GRID2: variants seen among roughly 807,000 people sequenced by gnomAD.
GRID2 encodes the protein glutamate ionotropic receptor delta type subunit 2.
In GRID2, 33 loss-of-function variants were observed where a neutral mutation model predicts 114.8. That is an observed-to-expected ratio of 0.29 (90% CI 0.22 to 0.38). GRID2 has a LOEUF of 0.38. Among genes scored for constraint, GRID2 ranks in the 10% least tolerant of loss-of-function variants. GRID2 has a pLI of 1.00. For synonymous variants in GRID2, 505 were observed against 449.9 expected (o/e 1.12, Z -1.55); for missense variants, 1,184 against 1,257.7 (o/e 0.94, Z 0.89).
intron 4 of GRID2, among the ~76,000 whole-genome samples, chr4:93,125,118 G>C (rs1384776857): frequency 6.6e-6 from 1 of 151,990 alleles, no homozygotes; most frequent in Non-Finnish European, 1.5e-5. Context: ...ATATCAGTAT[G>C]TTGCTGGATA....
At chr4:93,529,612 G>A (rs879425295) in intron 13 of GRID2, among the ~76,000 whole-genome samples, 1 of 152,082 alleles carries the variant, frequency 6.6e-6, no homozygotes, top group African/African-American at 2.4e-5. Flanking sequence ...GGAACCCAGG[G>A]CTTCGGGTGC....
intron 2 of GRID2, among the ~76,000 whole-genome samples, chr4:93,068,305 G>A (rs1452290072): frequency 3.9e-5 from 6 of 151,996 alleles, no homozygotes; most frequent in Non-Finnish European, 5.9e-5. Flanking sequence ...GAGTACAATG[G>A]TCACTGTGTA....
chr4:93,189,332 T>C (rs144787184), intron 4 of GRID2, among the ~76,000 whole-genome samples: 8 of 152,262 alleles, frequency 5.3e-5, no homozygotes, highest in South Asian at 4.1e-4. Flanking sequence ...CTACTTTAAA[T>C]TGGTGCCTTC....
intron 1 of GRID2, among the ~76,000 whole-genome samples, chr4:92,503,741 G>T (rs1723808467): frequency 6.6e-6 from 1 of 152,018 alleles, no homozygotes; most frequent in East Asian, 1.9e-4. Flanking sequence ...ACAACTTAAT[G>T]CCAGGAATTA....
intron 13 of GRID2, among the ~76,000 whole-genome samples, chr4:93,594,699 C>G (rs1423113706): frequency 1.3e-5 from 2 of 152,196 alleles, no homozygotes; most frequent in Admixed American, 6.5e-5. Context: ...TGCTAGCAAT[C>G]AATGAGACTC....
intron 2 of GRID2, among the ~76,000 whole-genome samples, chr4:93,056,347 C>G (rs1215734422): frequency 6.6e-6 from 1 of 151,810 alleles, no homozygotes; most frequent in African/African-American, 2.4e-5. Context: ...ACTGATCATT[C>G]ACTTGATTAT....
chr4:93,332,663 A>G (rs1189516889), intron 8 of GRID2, among the ~76,000 whole-genome samples: 2 of 152,128 alleles, frequency 1.3e-5, no homozygotes, highest in African/African-American at 2.4e-5. Flanking sequence ...GTTTTAAGAC[A>G]TGCCAGGAGA....
At chr4:92,730,964 C>A (rs1736302415) in intron 2 of GRID2, among the ~76,000 whole-genome samples, 1 of 151,812 alleles carries the variant, frequency 6.6e-6, no homozygotes, top group African/African-American at 2.4e-5. Flanking sequence ...TCATTGAATG[C>A]AGTGAAAATT....
chr4:93,649,314 G>C (rs1722381458), intron 14 of GRID2, among the ~76,000 whole-genome samples: 2 of 152,022 alleles, frequency 1.3e-5, no homozygotes, highest in Non-Finnish European at 2.9e-5. Context: ...CTAATGCATT[G>C]GGTAGCAGTC....
chr4:92,350,177 G>A (rs982045724), intron 1 of GRID2, among the ~76,000 whole-genome samples: 2 of 151,766 alleles, frequency 1.3e-5, no homozygotes, highest in Admixed American at 6.6e-5. Context: ...TATCATGCAT[G>A]TATTACCTCA....
At chr4:93,658,626 C>T (rs1170334390) in intron 14 of GRID2, among the ~76,000 whole-genome samples, 2 of 152,066 alleles carry the variant, frequency 1.3e-5, no homozygotes, top group Non-Finnish European at 2.9e-5. Context: ...TGCTCTCATC[C>T]CCTCTACTAT....
exon 2 of GRID2, chr4:93,808,931 A>T (rs1039792475): frequency 6.6e-6 from 1 of 152,212 alleles, no homozygotes; most frequent in Non-Finnish European, 1.5e-5. Context: ...CTGACCTGTG[A>T]TAATTGGGCT....
intron 14 of GRID2, among the ~76,000 whole-genome samples, chr4:93,680,773 G>T (rs988532752): frequency 6.6e-6 from 1 of 151,924 alleles, no homozygotes; most frequent in African/African-American, 2.4e-5. Flanking sequence ...TTGATGGGAC[G>T]TATCTCAAAA....
intron 2 of GRID2, among the ~76,000 whole-genome samples, chr4:92,909,296 CA>C (rs1461444294): frequency 2.7e-5 from 4 of 150,688 alleles, no homozygotes; most frequent in Non-Finnish European, 5.9e-5. Flanking sequence ...TTTAGCAAAC[CA>C]AAACTTGTTT....
At chr4:93,376,249 G>A (rs968735055) in intron 8 of GRID2, among the ~76,000 whole-genome samples, 2 of 152,106 alleles carry the variant, frequency 1.3e-5, no homozygotes, top group Non-Finnish European at 2.9e-5. Context: ...ATCAATGACG[G>A]ATCGTATGAC....
chr4:92,743,578 A>G (rs1737002097), intron 2 of GRID2, among the ~76,000 whole-genome samples: 1 of 152,098 alleles, frequency 6.6e-6, no homozygotes, highest in Admixed American at 6.6e-5. Context: ...ACTTCATTTT[A>G]TGTAAAATTT....
At chr4:93,600,002 T>C (rs1739505126) in intron 13 of GRID2, among the ~76,000 whole-genome samples, 2 of 152,114 alleles carry the variant, frequency 1.3e-5, no homozygotes, top group Non-Finnish European at 2.9e-5. Context: ...GAAACCATGC[T>C]GGAAAAAGCA....
At chr4:93,101,437 C>T (rs895907321) in intron 3 of GRID2, among the ~76,000 whole-genome samples, 7 of 152,004 alleles carry the variant, frequency 4.6e-5, no homozygotes, top group African/African-American at 1.7e-4. Flanking sequence ...CCCTTCTTGG[C>T]CCCTGGTCAT....
intron 2 of GRID2, among the ~76,000 whole-genome samples, chr4:93,056,943 A>C (rs977562874): frequency 1.3e-5 from 2 of 152,152 alleles, no homozygotes; most frequent in African/African-American, 4.8e-5. Context: ...GATCATTATA[A>C]TAGAAAATTG....
Sources: allele counts gnomAD v4.1 joint callset (sites outside exome capture counted in the v4.1 genomes callset), GRCh38; gene constraint gnomAD v4.1.1; transcripts MANE v1.5; gene names NCBI Gene and HGNC (gene_info 2026-07-23, HGNC 2026-07-21).